Variants in PGS1 observed in about 807,000 individuals in gnomAD.
PGS1 encodes the protein CDP-diacylglycerol--glycerol-3-phosphate 3-phosphatidyltransferase, mitochondrial.
A neutral mutation model predicts 58.3 loss-of-function variants in PGS1; 44 were observed. The ratio of observed to expected loss-of-function variants is 0.75; its 90% CI spans 0.59 to 0.97. The LOEUF (loss-of-function observed/expected upper bound fraction) is 0.97, where lower values mean the gene tolerates loss of function less well. Among genes scored for constraint, PGS1 ranks in the 50% least tolerant of loss-of-function variants. The pLI is 0.00. For synonymous variants in PGS1, 330 were observed against 311.0 expected (o/e 1.06, Z -0.64); for missense variants, 684 against 731.1 (o/e 0.94, Z 0.74).
chr17:78,408,077 A>G (rs530683532), intron 7 of PGS1, among the ~76,000 whole-genome samples: 9 of 150,762 alleles, frequency 6.0e-5, no homozygotes, highest in African/African-American at 1.2e-4. Flanking sequence ...TTTGCATACT[A>G]TGCTGATTTC....
rs1446913044 is a variant in PGS1, at chr17:78,399,251, C to T, written c.512-97C>T. The T allele has an allele frequency of 5.5e-6, 5 of 912,022 alleles. No homozygotes were observed. In the East Asian group the frequency reaches 7.2e-5, roughly 13 times the overall value. 56.5% of individuals were successfully genotyped at this position (912,022 alleles called of 1,614,324 possible). ...TGGTGTGACTGATTCAGGTGGACGG[C>T]ACAGGTGAAGGCGAGGCCACGTGGA... is the stretch of plus-strand genomic sequence containing the variant. On this transcript the variant is annotated intron_variant, in intron 4 of 9. Coordinates refer to ENST00000262764, the MANE Select transcript of PGS1 (RefSeq NM_024419.5).
intron 9 of PGS1, chr17:78,420,128 G>A: frequency 9.7e-7 from 1 of 1,033,786 alleles, no homozygotes; most frequent in Non-Finnish European, 1.2e-6. Flanking sequence ...CTGGCCGGCT[G>A]TAGTGCACAG....
At chr17:78,420,741 A>G (rs1598401617) in intron 9 of PGS1, 1 of 152,234 alleles carries the variant, frequency 6.6e-6, no homozygotes, top group Non-Finnish European at 1.5e-5. Context: ...TTATTTGAAT[A>G]GTGTGTGCAA....
intron 8 of PGS1, among the ~76,000 whole-genome samples, chr17:78,418,386 G>A (rs1023046880): frequency 1.3e-5 from 2 of 152,168 alleles, no homozygotes; most frequent in Non-Finnish European, 2.9e-5. Flanking sequence ...TACAGCGCAC[G>A]GAGGCACAGC....
chr17:78,411,357 A>C (rs1165436023), intron 7 of PGS1, among the ~76,000 whole-genome samples: 2 of 152,228 alleles, frequency 1.3e-5, no homozygotes, highest in Non-Finnish European at 2.9e-5. Flanking sequence ...ATGACTGTGC[A>C]GAAGAGCAGG....
In PGS1 at chr17:78,385,849, C is replaced by T. The variant is rs1466659461; in HGVS notation, c.144-6627C>T. Among the ~76,000 whole-genome samples the T allele has an allele frequency of 3.3e-5, 5 of 152,358 alleles. No individual in the cohort carries two copies. The East Asian group carries it at 7.7e-4, about 23-fold the overall frequency. Reference sequence around the variant, plus strand: ...GGCCTCTCATGGGGGCAAGTGTGTGCAGGGCGCGTTGTCCTGCCTGGGGCT... The same window carrying T: ...GGCCTCTCATGGGGGCAAGTGTGTGTAGGGCGCGTTGTCCTGCCTGGGGCT... On this transcript the variant is annotated intron_variant, in intron 1 of 9. Coordinates refer to ENST00000262764, the MANE Select transcript of PGS1 (RefSeq NM_024419.5).
At chr17:78,380,028 G>A (rs1265469001) in intron 1 of PGS1, among the ~76,000 whole-genome samples, 1 of 151,608 alleles carries the variant, frequency 6.6e-6, no homozygotes, top group Non-Finnish European at 1.5e-5. Context: ...CACCACACCC[G>A]GCTAATTTTG....
intron 1 of PGS1, among the ~76,000 whole-genome samples, chr17:78,386,703 G>A (rs1294341779): frequency 1.3e-5 from 2 of 152,186 alleles, no homozygotes; most frequent in African/African-American, 4.8e-5. Context: ...TGGGGGAATT[G>A]AGCTTGCGCA....
intron 9 of PGS1, among the ~76,000 whole-genome samples, chr17:78,423,105 G>GA (rs11449829): frequency 0.68 from 92,741 of 137,176 alleles, 31,799 homozygotes; most frequent in East Asian, 0.91. Context: ...ACTCTCCCTC[G>GA]AAAAAAAAAA....
At chr17:78,424,014 G>A (rs1366281473) in intron 9 of PGS1, 47 bp from the exon 10 acceptor site, 9 of 1,613,922 alleles carry the variant, frequency 5.6e-6, no homozygotes, top group Non-Finnish European at 7.6e-6. Flanking sequence ...TGCGTGTTTT[G>A]TACACGGGAC....
At chr17:78,417,400 G>C (rs530214763) in intron 8 of PGS1, among the ~76,000 whole-genome samples, 3 of 152,192 alleles carry the variant, frequency 2.0e-5, no homozygotes, top group Admixed American at 6.5e-5. Flanking sequence ...TGACACGCGG[G>C]GCTGCGGGGC....
intron 9 of PGS1, chr17:78,420,113 C>T (rs1352575756): frequency 9.6e-7 from 1 of 1,039,000 alleles, no homozygotes; most frequent in Non-Finnish European, 1.2e-6. Flanking sequence ...CTCTGGCTTG[C>T]TGCCCTGGCC....
At chr17:78,405,635 C>G (rs529787367) in intron 7 of PGS1, among the ~76,000 whole-genome samples, 37 of 152,342 alleles carry the variant, frequency 2.4e-4, no homozygotes, top group Admixed American at 2.1e-3. Context: ...TGCATGGCCT[C>G]TTAATGCTGG....
At chr17:78,390,951 T>G (rs866560649) in intron 1 of PGS1, among the ~76,000 whole-genome samples, 4 of 151,906 alleles carry the variant, frequency 2.6e-5, no homozygotes, top group African/African-American at 4.8e-5. Flanking sequence ...CTTTTTTTTT[T>G]CTTCTTTGAG....
At chr17:78,397,277 C>A (rs548354369) in intron 3 of PGS1, among the ~76,000 whole-genome samples, 2 of 98,098 alleles carry the variant, frequency 2.0e-5, no homozygotes, top group South Asian at 3.6e-4. Flanking sequence ...GCTTTCCGCT[C>A]GGTATAGTGA....
chr17:78,423,951 T>C lies in PGS1; in HGVS notation c.*11-110T>C. On this transcript the variant is annotated intron_variant, in intron 9 of 9. Coordinates refer to ENST00000262764, the MANE Select transcript of PGS1 (RefSeq NM_024419.5). ...CCACGGCTGCCAGGATCCACTTCGC[T>C]GCCTTCTCTTTGGTCTTCAAGTTAA... The C allele has an allele frequency of 3.1e-6, 5 of 1,614,052 alleles. No homozygotes were observed. In the South Asian group the frequency reaches 4.4e-5, roughly 14 times the overall value.
At chr17:78,416,138 A>C (rs992214413) in intron 8 of PGS1, among the ~76,000 whole-genome samples, 7 of 152,152 alleles carry the variant, frequency 4.6e-5, no homozygotes, top group African/African-American at 7.2e-5. Flanking sequence ...CTTCACGACC[A>C]CGACAGGCGC....
chr17:78,422,644 CAT>C (rs2085966189), intron 9 of PGS1, among the ~76,000 whole-genome samples: 1 of 152,070 alleles, frequency 6.6e-6, no homozygotes, highest in Non-Finnish European at 1.5e-5. Flanking sequence ...ACCACAGGCA[CAT>C]ACAACATTCC....
chr17:78,396,649 GC>G (rs1462575412), intron 3 of PGS1, among the ~76,000 whole-genome samples: 22 of 152,256 alleles, frequency 1.4e-4, no homozygotes, highest in African/African-American at 5.1e-4. Flanking sequence ...CCCACACAGG[GC>G]CCCAGGCAGC....
Sources: gnomAD v4.1 joint callset for allele counts (sites outside exome capture counted in the v4.1 genomes callset) on GRCh38, gnomAD v4.1.1 for gene constraint, MANE v1.5 for transcripts, NCBI Gene and HGNC (gene_info 2026-07-23, HGNC 2026-07-21) for gene names.